ERBB4: variants seen among roughly 807,000 people sequenced by gnomAD.
The protein encoded by ERBB4 is erb-b2 receptor tyrosine kinase 4.
ERBB4 carries 42 observed loss-of-function variants against 158.0 expected under a neutral mutation model. The ratio of observed to expected loss-of-function variants is 0.27; its 90% CI spans 0.21 to 0.34. The LOEUF (loss-of-function observed/expected upper bound fraction) is 0.34. ERBB4 is among the 10% of genes least tolerant of loss of function. ERBB4 has a pLI of 1.00. For synonymous variants in ERBB4, 583 were observed against 558.7 expected (o/e 1.04, Z -0.61); for missense variants, 1,333 against 1,624.1 (o/e 0.82, Z 3.08).
intron 1 of ERBB4, among the ~76,000 whole-genome samples, chr2:212,476,779 T>C (rs563747399): frequency 1.9e-4 from 29 of 152,284 alleles, no homozygotes; most frequent in African/African-American, 7.0e-4. Context: ...TATTTTCCTA[T>C]ATCAAACTGG....
At chr2:212,537,447 T>C (rs1693150749) in intron 1 of ERBB4, among the ~76,000 whole-genome samples, 1 of 151,968 alleles carries the variant, frequency 6.6e-6, no homozygotes, top group Non-Finnish European at 1.5e-5. Context: ...CTGTCATTAG[T>C]CCTGCAAGCC....
chr2:212,385,381 C>T (rs575255643), intron 1 of ERBB4, among the ~76,000 whole-genome samples: 6 of 151,888 alleles, frequency 4.0e-5, no homozygotes, highest in African/African-American at 1.4e-4. Flanking sequence ...TGAATGTACT[C>T]CTCACTCATC....
chr2:211,763,711 A>C (rs2075473462), intron 4 of ERBB4, among the ~76,000 whole-genome samples: 1 of 152,034 alleles, frequency 6.6e-6, no homozygotes, highest in Non-Finnish European at 1.5e-5. Flanking sequence ...TGGAGATTAG[A>C]CATCACCGAG....
At chr2:211,630,025 A>G (rs1355316824) in intron 17 of ERBB4, among the ~76,000 whole-genome samples, 1 of 152,248 alleles carries the variant, frequency 6.6e-6, no homozygotes, top group African/African-American at 2.4e-5. Context: ...AGCAATGGCA[A>G]CCAAAGCCAA....
At chr2:211,388,485 T>A (rs2062733624) in intron 25 of ERBB4, among the ~76,000 whole-genome samples, 1 of 152,160 alleles carries the variant, frequency 6.6e-6, no homozygotes, top group African/African-American at 2.4e-5. Flanking sequence ...TACATTTATT[T>A]TTCACCACTT....
At chr2:211,627,765 A>G (rs897748680) in intron 17 of ERBB4, among the ~76,000 whole-genome samples, 1 of 152,192 alleles carries the variant, frequency 6.6e-6, no homozygotes, top group African/African-American at 2.4e-5. Flanking sequence ...TATCAGGAGA[A>G]AGGTAAGATG....
At chr2:211,780,520 A>C (rs2076008249) in intron 4 of ERBB4, among the ~76,000 whole-genome samples, 1 of 152,262 alleles carries the variant, frequency 6.6e-6, no homozygotes, top group Admixed American at 6.5e-5. Context: ...TCTTAGTAAA[A>C]CTTAATTCCT....
At chr2:212,147,157 ATT>A (rs71397161) in intron 1 of ERBB4, among the ~76,000 whole-genome samples, 2 of 34,260 alleles carry the variant, frequency 5.8e-5, no homozygotes, top group African/African-American at 2.7e-4. Context: ...TGCCCAGCTA[ATT>A]TTTTTTTTTT....
chr2:212,104,411 A>T (rs964120830), intron 2 of ERBB4, among the ~76,000 whole-genome samples: 5 of 152,130 alleles, frequency 3.3e-5, no homozygotes, highest in Non-Finnish European at 5.9e-5. Context: ...TCAAATAAAA[A>T]TTTAAATTAA....
intron 16 of ERBB4, among the ~76,000 whole-genome samples, chr2:211,639,957 A>G (rs1318473849): frequency 6.6e-6 from 1 of 152,120 alleles, no homozygotes; most frequent in Non-Finnish European, 1.5e-5. Context: ...TCCTGACCTC[A>G]GGTGATCTGC....
intron 20 of ERBB4, among the ~76,000 whole-genome samples, chr2:211,439,544 A>G (rs531443556): frequency 1.3e-5 from 2 of 152,186 alleles, no homozygotes; most frequent in Non-Finnish European, 2.9e-5. Context: ...GTCATATAGC[A>G]TAATGGTTAA....
intron 1 of ERBB4, among the ~76,000 whole-genome samples, chr2:212,195,291 T>C (rs62182578): frequency 0.15 from 23,447 of 151,872 alleles, 2,318 homozygotes; most frequent in Non-Finnish European, 0.22. Flanking sequence ...TAGCTACAAT[T>C]TGCATTAGAC....
chr2:212,097,166 T>A (rs2078956358), intron 2 of ERBB4, among the ~76,000 whole-genome samples: 1 of 152,038 alleles, frequency 6.6e-6, no homozygotes, highest in Admixed American at 6.6e-5. Flanking sequence ...GTGTAGAGAC[T>A]GGGGTTTTCA....
Position 211,980,715 on chromosome 2 carries a change from A to T in ERBB4, c.235-33099T>A, listed in dbSNP as rs551365034. 7.9e-5 allele frequency among the ~76,000 whole-genome samples: 12 copies of T among 152,244 alleles called. 1 individual carries two copies. The South Asian group carries it at 2.5e-3, about 32-fold the overall frequency. On this transcript the variant is annotated intron_variant, in intron 2 of 27. Transcript: ENST00000342788. Reference sequence around the variant, plus strand: ...AACATTCCCAGAAAAAAATACATACATCTTTATTTTATAGATGCTTTGTTT... The same window carrying T: ...AACATTCCCAGAAAAAAATACATACTTCTTTATTTTATAGATGCTTTGTTT...
chr2:211,412,490 T>C (rs1009283665), intron 25 of ERBB4, among the ~76,000 whole-genome samples: 1 of 152,272 alleles, frequency 6.6e-6, no homozygotes, highest in South Asian at 2.1e-4. Context: ...CTTTGTCTTT[T>C]TCCTATAATT....
intron 1 of ERBB4, among the ~76,000 whole-genome samples, chr2:212,212,925 GT>G (rs1446176811): frequency 1.2e-4 from 18 of 152,154 alleles, no homozygotes; most frequent in Middle Eastern, 3.4e-3. Context: ...ACTCAAGATG[GT>G]TTAAATACTT....
intron 1 of ERBB4, among the ~76,000 whole-genome samples, chr2:212,276,515 C>T (rs975259050): frequency 2.0e-5 from 3 of 151,694 alleles, no homozygotes; most frequent in African/African-American, 7.3e-5. Flanking sequence ...CCATGGAAAC[C>T]AGTCATTCAC....
intron 2 of ERBB4, among the ~76,000 whole-genome samples, chr2:212,015,596 A>C (rs555155095): frequency 5.8e-4 from 88 of 152,280 alleles, no homozygotes; most frequent in African/African-American, 2.0e-3. Context: ...GTTATTTAGC[A>C]ACATTTTTCA....
intron 19 of ERBB4, among the ~76,000 whole-genome samples, chr2:211,582,355 G>T (rs553181887): frequency 6.6e-6 from 1 of 152,152 alleles, no homozygotes; most frequent in South Asian, 2.1e-4. Context: ...AAGTATTATA[G>T]CTTCCAGAAC....
Sources: gnomAD v4.1 joint callset for allele counts (sites outside exome capture counted in the v4.1 genomes callset) on GRCh38, gnomAD v4.1.1 for gene constraint, MANE v1.5 for transcripts, NCBI Gene and HGNC (gene_info 2026-07-23, HGNC 2026-07-21) for gene names.